Variants in COL19A1 observed in about 807,000 individuals in gnomAD.
COL19A1 encodes collagen type XIX alpha 1 chain.
COL19A1 carries 159 observed loss-of-function variants against 190.2 expected under a neutral mutation model. The ratio of observed to expected loss-of-function variants is 0.84; its 90% CI spans 0.73 to 0.95. The LOEUF is 0.95. COL19A1 is among the 40% of genes least tolerant of loss of function. The probability of loss-of-function intolerance (pLI) is 0.00; values close to 1 mark genes in which losing one functional copy is unlikely to be tolerated. For synonymous variants in COL19A1, 509 were observed against 458.9 expected (o/e 1.11, Z -1.39); for missense variants, 1,418 against 1,431.9 (o/e 0.99, Z 0.16).
chr6:69,999,325 A>T (rs955255390), intron 11 of COL19A1, among the ~76,000 whole-genome samples: 1 of 152,132 alleles, frequency 6.6e-6, no homozygotes, highest in Non-Finnish European at 1.5e-5. Flanking sequence ...GAACCCAGGA[A>T]TTCAAGACAA....
At chr6:69,963,465 G>A (rs919650393) in intron 11 of COL19A1, among the ~76,000 whole-genome samples, 4 of 152,192 alleles carry the variant, frequency 2.6e-5, no homozygotes, top group Non-Finnish European at 5.9e-5. Flanking sequence ...AGAGAAAAGT[G>A]TGTGGCCAAG....
chr6:70,199,933 T>C (rs916335286), intron 49 of COL19A1, 197 bp downstream of exon 49: 2 of 513,620 alleles, frequency 3.9e-6, no homozygotes, highest in African/African-American at 2.0e-5. Context: ...GATGTTTAAC[T>C]ATTACTACTT....
At chr6:70,055,423 A>T (rs1281116567) in intron 14 of COL19A1, among the ~76,000 whole-genome samples, 1 of 152,040 alleles carries the variant, frequency 6.6e-6, no homozygotes, top group Admixed American at 6.6e-5. Flanking sequence ...GACAACCTAG[A>T]TGTCTAGCTA....
chr6:70,067,881 GAAAA>G (rs745539057), intron 14 of COL19A1, among the ~76,000 whole-genome samples: 1 of 148,816 alleles, frequency 6.7e-6, no homozygotes, highest in Non-Finnish European at 1.5e-5. Flanking sequence ...GTTATGATCT[GAAAA>G]AAAAAGAATG....
intron 4 of COL19A1, among the ~76,000 whole-genome samples, chr6:69,926,281 A>T (rs1198506115): frequency 1.3e-5 from 2 of 152,164 alleles, no homozygotes; most frequent in Non-Finnish European, 2.9e-5. Context: ...ATGTACAGAT[A>T]AAAGAGTGGC....
chr6:70,009,457 G>A (rs901950547), intron 11 of COL19A1, among the ~76,000 whole-genome samples: 5 of 151,952 alleles, frequency 3.3e-5, no homozygotes, highest in African/African-American at 1.2e-4. Flanking sequence ...AATTCAAGAA[G>A]ACCTAAATAA....
At chr6:70,120,154 G>A (rs1784805424) in intron 16 of COL19A1, among the ~76,000 whole-genome samples, 1 of 152,114 alleles carries the variant, frequency 6.6e-6, no homozygotes, top group African/African-American at 2.4e-5. Context: ...CTATTTGGGA[G>A]ACTGTATTAT....
At chr6:69,937,163 A>G (rs758640966) in intron 8 of COL19A1, among the ~76,000 whole-genome samples, 1 of 152,160 alleles carries the variant, frequency 6.6e-6, no homozygotes, top group Non-Finnish European at 1.5e-5. Flanking sequence ...GAAGGGAGGA[A>G]CTACCTGTAC....
chr6:70,072,758 T>C (rs1026068360), intron 15 of COL19A1, among the ~76,000 whole-genome samples: 1 of 152,160 alleles, frequency 6.6e-6, no homozygotes, highest in Admixed American at 6.6e-5. Flanking sequence ...TACCTACCCC[T>C]GCCCCCGTCA....
chr6:70,085,661 T>C (rs1782538188), intron 15 of COL19A1, among the ~76,000 whole-genome samples: 1 of 152,222 alleles, frequency 6.6e-6, no homozygotes, highest in Admixed American at 6.5e-5. Flanking sequence ...GATTCTTTAT[T>C]CTTTTTCCTT....
At chr6:70,069,319 C>T (rs1040743345) in intron 15 of COL19A1, among the ~76,000 whole-genome samples, 1 of 152,062 alleles carries the variant, frequency 6.6e-6, no homozygotes, top group African/African-American at 2.4e-5. Flanking sequence ...TAGACATTCT[C>T]ATTTATTATT....
At chr6:70,032,725 G>T (rs186575007) in intron 12 of COL19A1, among the ~76,000 whole-genome samples, 1 of 151,958 alleles carries the variant, frequency 6.6e-6, no homozygotes, top group South Asian at 2.1e-4. Context: ...TCAAGAGTTC[G>T]AAAGCTACAT....
chr6:70,111,588 T>C (rs1280680546), intron 16 of COL19A1, among the ~76,000 whole-genome samples: 1 of 152,230 alleles, frequency 6.6e-6, no homozygotes, highest in Non-Finnish European at 1.5e-5. Flanking sequence ...ATGGGATTAG[T>C]AACAGTTAAT....
chr6:69,938,193 AAT>A, intron 9 of COL19A1, 93 bp downstream of exon 9: 2 of 1,173,180 alleles, frequency 1.7e-6, no homozygotes, highest in Non-Finnish European at 2.4e-6. Context: ...ATTCTGTACA[AAT>A]ATATGTTTCT....
chr6:70,018,996 T>C (rs1278166152), intron 11 of COL19A1, among the ~76,000 whole-genome samples: 1 of 151,966 alleles, frequency 6.6e-6, no homozygotes, highest in African/African-American at 2.4e-5. Context: ...ATGGGGAGGA[T>C]TGGGCTTGAG....
rs558872553 is a variant in COL19A1, at chr6:69,938,104, A to G, written c.936+4A>G. The G allele has an allele frequency of 2.9e-5, 46 of 1,611,882 alleles. No homozygotes were observed. The Middle Eastern group carries it at 1.3e-3, about 46-fold the overall frequency. On this transcript the variant is annotated splice_donor_region_variant and intron_variant, in intron 9 of 50. Coordinates refer to ENST00000620364, the MANE Select transcript of COL19A1 (RefSeq NM_001858.6). ...GAAAGGGCATAAAGGAGAGCCGGTA[A>G]GAAAAAAACAAATACTGATGGAGAA...
intron 14 of COL19A1, among the ~76,000 whole-genome samples, chr6:70,065,594 C>G (rs545902642): frequency 1.3e-5 from 2 of 152,100 alleles, no homozygotes; most frequent in Admixed American, 1.3e-4. Flanking sequence ...CAACAAAAGC[C>G]AAAATTGACA....
chr6:69,912,494 A>C (rs1200631921), intron 4 of COL19A1, among the ~76,000 whole-genome samples: 3 of 152,154 alleles, frequency 2.0e-5, no homozygotes, highest in African/African-American at 7.2e-5. Context: ...TTTTCTTATC[A>C]ATGCGTGTTG....
In COL19A1 at chr6:70,156,736, T is replaced by C. The variant is rs947489747; in HGVS notation, c.2292+13T>C. On this transcript the variant is annotated intron_variant, in intron 34 of 50. Transcript: ENST00000620364. The stretch of plus-strand genomic sequence containing the variant: ...GAAAGGCGATGAGGTAACAGATTCT[T>C]TTCTGATTATATAGTCCTAATATTG... 2.5e-6 allele frequency: 4 copies of C among 1,600,576 alleles called. No individual in the cohort carries two copies. The highest frequency in any genetic ancestry group is 1.1e-5 in the South Asian group (1 of 89,996).
Sources: gnomAD v4.1 joint callset for allele counts (sites outside exome capture counted in the v4.1 genomes callset) on GRCh38, gnomAD v4.1.1 for gene constraint, MANE v1.5 for transcripts, NCBI Gene and HGNC (gene_info 2026-07-23, HGNC 2026-07-21) for gene names.